Variants in AMOT observed in about 807,000 individuals in gnomAD.
AMOT encodes the protein angiomotin.
In AMOT, 11 loss-of-function variants were observed where a neutral mutation model predicts 67.0. That is an observed-to-expected ratio of 0.16 (90% CI 0.10 to 0.27). AMOT has a LOEUF of 0.27. Ranked by LOEUF, AMOT falls within the 10% of genes least tolerant of loss-of-function variation. The pLI is 1.00. For missense variants in AMOT, 753 were observed against 852.0 expected (o/e 0.88, Z 1.45); for synonymous variants, 326 against 321.4 (o/e 1.01, Z -0.15).
At chrX:112,821,505 T>C (rs1256001646) in intron 4 of AMOT, among the ~76,000 whole-genome samples, 2 of 111,846 alleles carry the variant, frequency 1.8e-5, no homozygotes, top group South Asian at 3.7e-4. Context: ...GAAGTATATA[T>C]AGGAACAACT....
intron 8 of AMOT, 70 bp from the exon 9 acceptor site, chrX:112,792,051 C>T: frequency 8.9e-7 from 1 of 1,126,603 alleles, no homozygotes; most frequent in South Asian, 1.9e-5. Context: ...AATTATGTAT[C>T]CCCTAAATCC....
chrX:112,824,871 T>C (rs1170250472), intron 3 of AMOT, among the ~76,000 whole-genome samples: 1 of 111,197 alleles, frequency 9.0e-6, no homozygotes, highest in East Asian at 2.8e-4. Context: ...GGAACAAGTA[T>C]GGTGTTAAAG....
At chrX:112,828,552 G>T (rs1302200081) in intron 2 of AMOT, among the ~76,000 whole-genome samples, 1 of 106,055 alleles carries the variant, frequency 9.4e-6, no homozygotes, top group Non-Finnish European at 1.9e-5. Context: ...AAGAAAGGTT[G>T]TTTTTTTGAA....
chrX:112,781,582 G>A (rs1933177534), intron 11 of AMOT, among the ~76,000 whole-genome samples: 1 of 111,344 alleles, frequency 9.0e-6, no homozygotes, highest in South Asian at 3.8e-4. Flanking sequence ...AACAAGGGAT[G>A]GTGTGCTACA....
Position 112,813,480 on chromosome X carries a change from C to T in AMOT, c.1392+1878G>A, listed in dbSNP as rs1196028710. Among the ~76,000 whole-genome samples, 60 of 111,722 alleles carry T rather than the reference C, an allele frequency of 5.4e-4. No homozygotes were observed. In the Admixed American group the frequency reaches 5.7e-3, roughly 11 times the overall value. Reference sequence around the variant, plus strand: ...CTTTTCCTCTCCTGGTCCACCTTCCCCTCTACTCTACCTCGACACTGGGTC... The same window carrying T: ...CTTTTCCTCTCCTGGTCCACCTTCCTCTCTACTCTACCTCGACACTGGGTC... On this transcript the variant is annotated intron_variant, in intron 5 of 13. Transcript: ENST00000371959.
Position 112,815,874 on chromosome X carries a change from T to C in AMOT, c.876A>G (p.Pro292=). 1 of 1,162,864 alleles carries C rather than the reference T, an allele frequency of 8.6e-7. No homozygotes were observed. The highest frequency in any genetic ancestry group is 1.9e-5 in the South Asian group (1 of 52,125). Residue 292 remains proline (P), a synonymous_variant, in exon 5 of 14, where the codon CCA becomes CCG. Coordinates refer to ENST00000371959, the MANE Select transcript of AMOT (RefSeq NM_001113490.2). ...QHPPEYGAAR[P]AQDISLPLSA... is the part of the protein sequence containing the mutation. ...ACAATGGCAATGAGATGTCCTGCGC[T>C]GGCCTGTAAAACATGAAGGGCAGGT...
chrX:112,811,115 A>G, intron 6 of AMOT, 134 bp downstream of exon 6: 1 of 840,597 alleles, frequency 1.2e-6, no homozygotes, highest in South Asian at 2.8e-5. Flanking sequence ...AGCCTGGCAC[A>G]TGCCCAGCCA....
intron 1 of AMOT, among the ~76,000 whole-genome samples, chrX:112,837,028 T>C: frequency 9.0e-6 from 1 of 111,489 alleles, no homozygotes; most frequent in Non-Finnish European, 1.9e-5. Context: ...TCGCCATTAT[T>C]TACTAGAAAT....
chrX:112,819,851 T>G (rs1934668660), intron 4 of AMOT, among the ~76,000 whole-genome samples: 1 of 112,964 alleles, frequency 8.9e-6, no homozygotes, highest in Admixed American at 9.3e-5. Context: ...GAGTTTGCTT[T>G]GCATCCTGAC....
chrX:112,836,107 A>G (rs1935124927), intron 1 of AMOT, among the ~76,000 whole-genome samples: 1 of 111,978 alleles, frequency 8.9e-6, no homozygotes, highest in Non-Finnish European at 1.9e-5. Flanking sequence ...CCATGCTACA[A>G]AACAAGTATA....
intron 7 of AMOT, among the ~76,000 whole-genome samples, chrX:112,808,708 G>C (rs761609307): frequency 2.7e-5 from 3 of 111,868 alleles, no homozygotes; most frequent in African/African-American, 9.7e-5. Context: ...CCAGAACAAA[G>C]AATCTATACA....
intron 2 of AMOT, among the ~76,000 whole-genome samples, chrX:112,826,379 C>T (rs1439067857): frequency 8.9e-6 from 1 of 112,602 alleles, no homozygotes; most frequent in Non-Finnish European, 1.9e-5. Context: ...AACATTATTT[C>T]CTTGCAATGT....
chrX:112,821,808 TAC>T (rs1311762091), intron 4 of AMOT, among the ~76,000 whole-genome samples: 1 of 112,064 alleles, frequency 8.9e-6, no homozygotes, highest in African/African-American at 3.2e-5. Context: ...TGACAAGAAA[TAC>T]ACAGATTTGT....
chrX:112,833,146 C>G (rs1272952665), intron 1 of AMOT, among the ~76,000 whole-genome samples: 1 of 111,834 alleles, frequency 8.9e-6, no homozygotes, highest in African/African-American at 3.3e-5. Flanking sequence ...AACCTAGGTA[C>G]AGAATGACCG....
chrX:112,808,400 C>T (rs1026353394), intron 7 of AMOT, among the ~76,000 whole-genome samples: 3 of 111,405 alleles, frequency 2.7e-5, no homozygotes, highest in South Asian at 3.8e-4. Context: ...AGGATTCCTG[C>T]AGTACATTCC....
Position 112,779,127 on chromosome X carries a change from A to G in AMOT, c.3027T>C (p.Ala1009=). ...GAGTTGGAGCTGGAGTTGGAGCCAC[A>G]GCCGGAGCTGAAGTTGGTGCCTGAG... ...AQTQAPTSAP[A]VAPTPAPTPT... The change falls in exon 13 of 14, where the codon GCT becomes GCC. Residue 1009 remains alanine, a synonymous_variant. Transcript: ENST00000371959. 9.0e-7 allele frequency: 1 copy of G among 1,105,677 alleles called. No homozygotes were observed. Among genetic ancestry groups the G allele is most frequent in the Non-Finnish European group, 1.3e-6 (1 of 798,629 alleles). 91.1% of individuals were successfully genotyped at this position (1,105,677 alleles called of 1,213,427 possible).
At chrX:112,817,923 T>C (rs1047310567) in intron 4 of AMOT, among the ~76,000 whole-genome samples, 4 of 111,596 alleles carry the variant, frequency 3.6e-5, no homozygotes, top group African/African-American at 1.3e-4. Context: ...TCCTCACAGG[T>C]AAAAGACTAA....
At chrX:112,797,916 GAA>G (rs954053363) in intron 8 of AMOT, among the ~76,000 whole-genome samples, 1 of 111,043 alleles carries the variant, frequency 9.0e-6, no homozygotes, top group Non-Finnish European at 1.9e-5. Context: ...AAGAAAGAAA[GAA>G]AGAAAAAGCA....
At chrX:112,788,626 G>A (rs943310069) in intron 10 of AMOT, among the ~76,000 whole-genome samples, 1 of 112,198 alleles carries the variant, frequency 8.9e-6, no homozygotes, top group African/African-American at 3.2e-5. Flanking sequence ...GAATCACCTA[G>A]TCCAATTCCC....
Sources: gnomAD v4.1 joint callset for allele counts (sites outside exome capture counted in the v4.1 genomes callset) on GRCh38, gnomAD v4.1.1 for gene constraint, MANE v1.5 for transcripts, NCBI Gene and HGNC (gene_info 2026-07-23, HGNC 2026-07-21) for gene names.